The following KCNN2 variants were observed in gnomAD, a reference collection of about 807,000 sequenced individuals.
The protein encoded by KCNN2 is small conductance calcium-activated potassium channel protein 2.
In KCNN2, 24 loss-of-function variants were observed where a neutral mutation model predicts 55.5. The ratio of observed to expected loss-of-function variants is 0.43; its 90% CI spans 0.31 to 0.61. KCNN2 has a LOEUF of 0.61. Among genes scored for constraint, KCNN2 ranks in the 20% least tolerant of loss-of-function variants. The probability of loss-of-function intolerance (pLI) is 0.08; values close to 1 mark genes in which losing one functional copy is unlikely to be tolerated. For synonymous variants in KCNN2, 431 were observed against 336.1 expected, an observed-to-expected ratio of 1.28 and a Z score of -3.09; for missense variants, 754 against 853.6, an observed-to-expected ratio of 0.88 and a Z score of 1.45.
intron 2 of KCNN2, among the ~76,000 whole-genome samples, chr5:114,369,466 T>G (rs1757699522): frequency 6.6e-6 from 1 of 152,144 alleles, no homozygotes; most frequent in Non-Finnish European, 1.5e-5. Context: ...CTTGGATTGG[T>G]CTTAAGTTTT....
At chr5:114,075,081 G>C (rs1426055488) in intron 1 of KCNN2, among the ~76,000 whole-genome samples, 1 of 152,196 alleles carries the variant, frequency 6.6e-6, no homozygotes, top group Non-Finnish European at 1.5e-5. Context: ...TAATTTGTAA[G>C]AAATGTGTAT....
chr5:114,189,674 C>T (rs1753411524), intron 1 of KCNN2, among the ~76,000 whole-genome samples: 1 of 152,192 alleles, frequency 6.6e-6, no homozygotes, highest in African/African-American at 2.4e-5. Context: ...GTTTAATTCT[C>T]ACAGCATCCT....
At chr5:114,079,471 G>A (rs1750754804) in intron 1 of KCNN2, among the ~76,000 whole-genome samples, 2 of 152,154 alleles carry the variant, frequency 1.3e-5, no homozygotes, top group African/African-American at 4.8e-5. Flanking sequence ...GGGTAGGGCA[G>A]ACCTAGGCTC....
At chr5:114,263,352 A>G (rs1473372667) in intron 2 of KCNN2, among the ~76,000 whole-genome samples, 2 of 152,306 alleles carry the variant, frequency 1.3e-5, no homozygotes, top group African/African-American at 4.8e-5. Context: ...CCTGCACGTT[A>G]TAAGATTTGA....
At chr5:114,148,461 T>C (rs4705626) in intron 1 of KCNN2, among the ~76,000 whole-genome samples, 124,883 of 152,004 alleles carry the variant, frequency 0.82, 52,232 homozygotes, top group East Asian at 0.94. Context: ...AATTGGCCAC[T>C]GCTCTACCCA....
chr5:114,328,166 T>A (rs1297027353), intron 2 of KCNN2, among the ~76,000 whole-genome samples: 5 of 152,184 alleles, frequency 3.3e-5, no homozygotes, highest in Non-Finnish European at 1.5e-5. Flanking sequence ...TTTTGGTGAG[T>A]CTGTGGTATA....
intron 3 of KCNN2, chr5:114,433,535 A>G (rs1759878490): frequency 6.6e-6 from 1 of 152,544 alleles, no homozygotes; most frequent in African/African-American, 2.4e-5. Context: ...GTCCTCTTCA[A>G]CACTGTGGAA....
chr5:114,153,441 G>T (rs1367773805), intron 1 of KCNN2, among the ~76,000 whole-genome samples: 1 of 152,118 alleles, frequency 6.6e-6, no homozygotes, highest in Non-Finnish European at 1.5e-5. Context: ...CTACTTATAA[G>T]CATATGAGTT....
At chr5:114,442,143 A>G (rs1177957881) in intron 3 of KCNN2, among the ~76,000 whole-genome samples, 3 of 152,110 alleles carry the variant, frequency 2.0e-5, no homozygotes, top group Non-Finnish European at 4.4e-5. Context: ...ACAAAACAGT[A>G]CAAAAGTGAC....
At chr5:114,284,080 A>G (rs1171442551) in intron 2 of KCNN2, among the ~76,000 whole-genome samples, 3 of 152,090 alleles carry the variant, frequency 2.0e-5, no homozygotes, top group Admixed American at 2.0e-4. Context: ...ACACCTTTTC[A>G]CTTTAAAGAA....
chr5:114,459,199 A>G (rs1418687755), intron 3 of KCNN2, among the ~76,000 whole-genome samples: 2 of 152,258 alleles, frequency 1.3e-5, no homozygotes. Flanking sequence ...TCTCTGAAGC[A>G]TGCAGTTCAT....
intron 1 of KCNN2, among the ~76,000 whole-genome samples, chr5:114,158,058 T>G (rs1291691508): frequency 8.5e-5 from 13 of 152,218 alleles, no homozygotes; most frequent in Admixed American, 8.5e-4. Context: ...TTTTCGTGTT[T>G]TAGACATGAA....
At chr5:114,056,511 G>A (rs925214116) in intron 1 of KCNN2, 44 of 398,196 alleles carry the variant, frequency 1.1e-4, no homozygotes, top group African/African-American at 7.4e-4. Flanking sequence ...GTAAGGTCGC[G>A]ACTAAGGTGA....
chr5:114,455,109 A>G (rs1384973222), intron 3 of KCNN2, among the ~76,000 whole-genome samples: 1 of 151,680 alleles, frequency 6.6e-6, no homozygotes, highest in African/African-American at 2.4e-5. Flanking sequence ...TTTGGGGTTT[A>G]TGGCACACAG....
chr5:114,466,652 A>G (rs951836969), intron 4 of KCNN2, among the ~76,000 whole-genome samples: 2 of 152,046 alleles, frequency 1.3e-5, no homozygotes, highest in African/African-American at 4.8e-5. Context: ...GTAAAATTAC[A>G]GTGACTCTTG....
intron 2 of KCNN2, among the ~76,000 whole-genome samples, chr5:114,368,264 A>C (rs949359328): frequency 6.6e-6 from 1 of 152,210 alleles, no homozygotes; most frequent in African/African-American, 2.4e-5. Flanking sequence ...GGACAACTGT[A>C]ATTATATAAT....
chr5:114,459,720 G>A (rs1761106621), intron 3 of KCNN2, among the ~76,000 whole-genome samples: 1 of 152,034 alleles, frequency 6.6e-6, no homozygotes, highest in Admixed American at 6.6e-5. Flanking sequence ...TATTTTGTAA[G>A]CAAAAAGGAT....
intron 3 of KCNN2, among the ~76,000 whole-genome samples, chr5:114,450,658 T>A (rs1388670969): frequency 6.6e-6 from 1 of 152,218 alleles, no homozygotes; most frequent in African/African-American, 2.4e-5. Flanking sequence ...GATTGTCTGA[T>A]GGCCATTACT....
Position 114,123,455 on chromosome 5 carries a change from C to T in KCNN2, c.-271+66955C>T, listed in dbSNP as rs901513301. ...TCGGCTCACTGCAAGCTCCGCCTCCCGGGTTCACGCCATTCTCCTGTCTCA... is the reference window on the plus strand; with the variant it reads ...TCGGCTCACTGCAAGCTCCGCCTCCTGGGTTCACGCCATTCTCCTGTCTCA... On this transcript the variant is annotated intron_variant, in intron 1 of 10. Coordinates refer to the KCNN2 transcript ENST00000512097. Among the ~76,000 whole-genome samples, 12 of 74,504 alleles carry T rather than the reference C, an allele frequency of 1.6e-4. 3 individuals are homozygous for T. The highest frequency in any genetic ancestry group is 3.8e-4 in the African/African-American group (5 of 13,142). The allele number at this position is 74,504 out of a possible 152,430, so 48.9% of individuals were successfully genotyped here.
Sources: gnomAD v4.1 joint callset for allele counts (sites outside exome capture counted in the v4.1 genomes callset) on GRCh38, gnomAD v4.1.1 for gene constraint, MANE v1.5 for transcripts, NCBI Gene and HGNC (gene_info 2026-07-23, HGNC 2026-07-21) for gene names.